The following HS3ST4 variants were observed in gnomAD, a reference collection of about 807,000 sequenced individuals.
HS3ST4 encodes the protein heparan sulfate-glucosamine 3-sulfotransferase 4.
Under a neutral mutation model 29.2 loss-of-function variants are expected in HS3ST4, and 17 were observed. That is an observed-to-expected ratio of 0.58 (90% CI 0.40 to 0.87). The LOEUF (loss-of-function observed/expected upper bound fraction) is 0.87, where lower values mean the gene tolerates loss of function less well. Ranked by LOEUF, HS3ST4 falls within the 40% of genes least tolerant of loss-of-function variation. The pLI, the probability that HS3ST4 is intolerant of heterozygous loss-of-function variation, is 0.00. For missense variants in HS3ST4, 627 were observed against 634.5 expected, an observed-to-expected ratio of 0.99 and a Z score of 0.13; for synonymous variants, 314 against 285.7, an observed-to-expected ratio of 1.10 and a Z score of -1.00.
intron 1 of HS3ST4, among the ~76,000 whole-genome samples, chr16:26,070,180 A>G (rs1898586061): frequency 6.6e-6 from 1 of 152,162 alleles, no homozygotes. Context: ...CCAACAGTGT[A>G]AAAGTGTTCC....
intron 1 of HS3ST4, among the ~76,000 whole-genome samples, chr16:25,742,048 G>A (rs1002121200): frequency 2.6e-5 from 4 of 152,136 alleles, no homozygotes; most frequent in African/African-American, 7.2e-5. Context: ...AATAGTGACC[G>A]TTACTCTCAG....
At chr16:25,949,221 T>C (rs1968660312) in intron 1 of HS3ST4, among the ~76,000 whole-genome samples, 1 of 152,154 alleles carries the variant, frequency 6.6e-6, no homozygotes, top group Admixed American at 6.5e-5. Context: ...ACTATCCAGT[T>C]ACACTCTTTA....
intron 1 of HS3ST4, among the ~76,000 whole-genome samples, chr16:25,878,981 T>C (rs1967864951): frequency 6.6e-6 from 1 of 152,128 alleles, no homozygotes; most frequent in African/African-American, 2.4e-5. Flanking sequence ...AACAGTTTCC[T>C]ATGCCTCTTT....
At chr16:26,102,330 A>G (rs936478511) in intron 1 of HS3ST4, among the ~76,000 whole-genome samples, 6 of 151,940 alleles carry the variant, frequency 3.9e-5, no homozygotes, top group Admixed American at 3.9e-4. Context: ...TACTTCTGAT[A>G]TTTCTTCCCT....
At chr16:25,946,933 G>C (rs1167076465) in intron 1 of HS3ST4, among the ~76,000 whole-genome samples, 2 of 152,178 alleles carry the variant, frequency 1.3e-5, no homozygotes, top group Non-Finnish European at 2.9e-5. Flanking sequence ...AGCATGCAAG[G>C]GAAAGCATAA....
At chr16:25,730,087 ATTAC>A (rs2141593197) in intron 1 of HS3ST4, among the ~76,000 whole-genome samples, 1 of 152,332 alleles carries the variant, frequency 6.6e-6, no homozygotes, top group South Asian at 2.1e-4. Context: ...AGGAATAGTT[ATTAC>A]TTCTCAAAGG....
chr16:26,119,174 C>A (rs897634070), intron 1 of HS3ST4, among the ~76,000 whole-genome samples: 1 of 152,186 alleles, frequency 6.6e-6, no homozygotes, highest in East Asian at 1.9e-4. Context: ...CACTAAACAT[C>A]CAGGCTCTTA....
chr16:25,693,494 G>A (rs925240421), intron 1 of HS3ST4, among the ~76,000 whole-genome samples: 8 of 152,194 alleles, frequency 5.3e-5, no homozygotes, highest in African/African-American at 1.2e-4. Flanking sequence ...CTCTTGCGGG[G>A]TTCTGGGATT....
At chr16:25,745,618 C>T (rs570371562) in intron 1 of HS3ST4, among the ~76,000 whole-genome samples, 33 of 152,246 alleles carry the variant, frequency 2.2e-4, no homozygotes, top group Admixed American at 3.9e-4. Context: ...ACTACCACAA[C>T]CATCAGGGCA....
Position 25,929,864 on chromosome 16 carries a change from G to A in HS3ST4, c.735-205748G>A, listed in dbSNP as rs145641746. Among the ~76,000 whole-genome samples the A allele has an allele frequency of 8.3e-4, 127 of 152,246 alleles. 3 individuals carry two copies. In the East Asian group the frequency reaches 0.019, roughly 22 times the overall value. ...AGGTTTGTTATATAGGTAAACTTGCGTCATGGGCTTTTGTTGTATGGATTA... is the reference window on the plus strand; with the variant it reads ...AGGTTTGTTATATAGGTAAACTTGCATCATGGGCTTTTGTTGTATGGATTA... On this transcript the variant is annotated intron_variant, in intron 1 of 1. Transcript: ENST00000331351.
In HS3ST4 at chr16:26,034,743, TA is replaced by T. The variant is rs145104496; in HGVS notation, c.735-100859del. 0.023 allele frequency among the ~76,000 whole-genome samples: 3,437 copies of T among 147,752 alleles called. 203 individuals are homozygous for T. The East Asian group carries it at 0.28, about 12-fold the overall frequency. On this transcript the variant is annotated intron_variant, in intron 1 of 1. Coordinates refer to ENST00000331351, the MANE Select transcript of HS3ST4 (RefSeq NM_006040.3). ...TGGTGTCTTCATAAGGAAAGCCTAT[TA>T]AAAAAAAAACTGACGTGAGTTCAAG...
intron 1 of HS3ST4, among the ~76,000 whole-genome samples, chr16:25,914,808 T>A (rs894706697): frequency 2.0e-5 from 3 of 151,662 alleles, no homozygotes; most frequent in Non-Finnish European, 2.9e-5. Flanking sequence ...CACCCCTCTG[T>A]GAGAAACAGG....
At chr16:26,106,135 C>T (rs1441062587) in intron 1 of HS3ST4, among the ~76,000 whole-genome samples, 1 of 152,192 alleles carries the variant, frequency 6.6e-6, no homozygotes, top group Admixed American at 6.5e-5. Context: ...AATTTCCTAC[C>T]TCTTCCAAGC....
intron 1 of HS3ST4, among the ~76,000 whole-genome samples, chr16:26,115,076 C>G (rs1899183202): frequency 1.3e-5 from 2 of 152,038 alleles, no homozygotes; most frequent in African/African-American, 4.8e-5. Flanking sequence ...GCAAAGATCT[C>G]AAGAAGTATC....
At chr16:25,782,056 C>T (rs1281066663) in intron 1 of HS3ST4, among the ~76,000 whole-genome samples, 1 of 152,154 alleles carries the variant, frequency 6.6e-6, no homozygotes, top group East Asian at 1.9e-4. Flanking sequence ...GGGAAATTTA[C>T]AATCATGGCA....
At chr16:25,721,229 G>T (rs955177508) in intron 1 of HS3ST4, among the ~76,000 whole-genome samples, 1 of 152,078 alleles carries the variant, frequency 6.6e-6, no homozygotes, top group Non-Finnish European at 1.5e-5. Context: ...ATGGTGAAAT[G>T]ATTCTTTTCT....
intron 1 of HS3ST4, among the ~76,000 whole-genome samples, chr16:25,778,025 G>A (rs1380898820): frequency 6.6e-6 from 1 of 152,142 alleles, no homozygotes; most frequent in African/African-American, 2.4e-5. Context: ...TGCTAGGTTG[G>A]GCCAGGTGGA....
At chr16:25,932,276 G>A (rs1488896893) in intron 1 of HS3ST4, among the ~76,000 whole-genome samples, 3 of 152,128 alleles carry the variant, frequency 2.0e-5, no homozygotes, top group South Asian at 2.1e-4. Flanking sequence ...ATTGTGCCAC[G>A]GCACTGCAGC....
chr16:25,799,575 A>G (rs774004285), intron 1 of HS3ST4, among the ~76,000 whole-genome samples: 12 of 152,176 alleles, frequency 7.9e-5, no homozygotes, highest in Non-Finnish European at 1.0e-4. Context: ...TGCTCTCAGC[A>G]CAGTTATTAC....
Sources: gnomAD v4.1 joint callset for allele counts (sites outside exome capture counted in the v4.1 genomes callset) on GRCh38, gnomAD v4.1.1 for gene constraint, MANE v1.5 for transcripts, NCBI Gene and HGNC (gene_info 2026-07-23, HGNC 2026-07-21) for gene names.